Variants in DCANP1 observed in about 807,000 individuals in gnomAD.
DCANP1 encodes the protein dendritic cell associated nuclear protein 1, also known as dendritic cell nuclear protein 1.
For missense variants in DCANP1, 328 were observed against 293.7 expected (o/e 1.12, Z -0.85); for synonymous variants, 139 against 124.2 (o/e 1.12, Z -0.79).
rs1006852064 is a variant in DCANP1, at chr5:135,446,206, A to G, written c.*168T>C. The G allele has an allele frequency of 1.3e-5, 10 of 786,136 alleles. No homozygotes were observed. Among genetic ancestry groups the G allele is most frequent in the African/African-American group, 1.2e-4 (7 of 57,662 alleles). 48.7% of individuals were successfully genotyped at this position (786,136 alleles called of 1,614,324 possible). On this transcript the variant is annotated 3_prime_UTR_variant, in exon 1 of 1. Transcript: ENST00000503143. ...AACTGTGGCACGGAGAGATTCAGTTACTTGTCCAGGATCACAGAACTATAG... is the reference window on the plus strand; with the variant it reads ...AACTGTGGCACGGAGAGATTCAGTTGCTTGTCCAGGATCACAGAACTATAG...
In DCANP1 at chr5:135,447,338, C is replaced by G; in HGVS notation, c.-230G>C. 1.7e-6 allele frequency: 1 copy of G among 597,286 alleles called. No homozygotes were observed. The highest frequency in any genetic ancestry group is 1.9e-5 in the African/African-American group (1 of 53,528). 37.0% of individuals were successfully genotyped at this position (597,286 alleles called of 1,614,324 possible). ...GGGAATCACAGAGCACAGGTAAGCC[C>G]TTGGGTTCTGGAGCCAGCTTACTGG... On this transcript the variant is annotated 5_prime_UTR_variant, in exon 1 of 1. Transcript: ENST00000503143.
At position 135,446,751 on chromosome 5, in the gene DCANP1, T is replaced by C; in HGVS notation, c.358A>G (p.Thr120Ala). 6 of 1,613,982 alleles carry C rather than the reference T, an allele frequency of 3.7e-6. No homozygotes were observed. The highest frequency in any genetic ancestry group is 4.2e-6 in the Non-Finnish European group (5 of 1,179,872). ...QDELHSSRRK[T>A]GQTRREGARK... ...GCTCCCTCCCGCCTGGTCTGGCCTG[T>C]CTTCCTTCTGCTGCTATGCAGTTCA... The change falls in exon 1 of 1, where the codon ACA (threonine) becomes GCA (alanine). Residue 120 changes from threonine (T) to alanine (A), a missense_variant. Thr to Ala is a moderately conservative substitution (Grantham distance 58, BLOSUM62 0). Transcript: ENST00000503143.
chr5:135,446,762 C>G lies in DCANP1; in HGVS notation c.347G>C (p.Ser116Thr). 1 of 1,613,990 alleles carries G rather than the reference C, an allele frequency of 6.2e-7. No individual in the cohort carries two copies. Among genetic ancestry groups the G allele is most frequent in the Non-Finnish European group, 8.5e-7 (1 of 1,179,850 alleles). Residue 116 changes from serine to threonine, a missense_variant, in exon 1 of 1, where the codon AGC becomes ACC. Coordinates refer to ENST00000503143, the MANE Select transcript of DCANP1 (RefSeq NM_130848.3). The stretch of plus-strand genomic sequence containing the variant: ...CCTGGTCTGGCCTGTCTTCCTTCTG[C>G]TGCTATGCAGTTCATCCTGGGTCCC... The part of the protein sequence containing the change: ...PSGTQDELHS[S>T]RRKTGQTRRE...
At chr5:135,446,500 C>T in the DCANP1 span, 33 of 1,613,862 alleles carry the variant, frequency 2.0e-5, no homozygotes, top group African/African-American at 4.1e-4. Flanking sequence ...AGTGCGAAGA[C>T]CAGGCCCTGA....
In DCANP1 at chr5:135,444,364, T is replaced by C. The variant is rs1304403424; in HGVS notation, c.*2010A>G. 1 of 152,298 alleles carries C rather than the reference T, an allele frequency of 6.6e-6. No homozygotes were observed. The highest frequency in any genetic ancestry group is 1.5e-5 in the Non-Finnish European group (1 of 68,080). 9.4% of individuals were successfully genotyped at this position (152,298 alleles called of 1,614,324 possible). A position where few individuals can be genotyped will look rare whatever the true frequency, so the allele number is the denominator to read the frequency against. ...GGGTTGTTTACTCCTCCCACAGTCT[T>C]GGATGGGTTTTGAGGGTCTGGTGCG... is the stretch of plus-strand genomic sequence containing the variant. On this transcript the variant is annotated 3_prime_UTR_variant, in exon 1 of 1. Coordinates refer to ENST00000503143, the MANE Select transcript of DCANP1 (RefSeq NM_130848.3).
chr5:135,446,936 G>T lies in DCANP1; in HGVS notation c.173C>A (p.Ala58Asp). The T allele has an allele frequency of 1.9e-6, 3 of 1,612,800 alleles. No individual in the cohort carries two copies. The highest frequency in any genetic ancestry group is 2.5e-6 in the Non-Finnish European group (3 of 1,179,306). ...ACCCTCACTGAGGCCCTGGAGAGGG[G>T]CACTCAGGGGCAGCAGCTCATTCCC... ...NFGNELLPLS[A>D]PLQGLSEGLY... The change falls in exon 1 of 1, where the codon GCC becomes GAC. Residue 58 changes from alanine (A) to aspartate (D), a missense_variant. By Grantham distance (126) the Ala-to-Asp change is moderately radical (BLOSUM62 -2). Transcript: ENST00000503143.
chr5:135,446,529 A>C lies in DCANP1; in HGVS notation c.580T>G (p.Trp194Gly). Residue 194 changes from tryptophan (W) to glycine (G), a missense_variant, in exon 1 of 1, where the codon TGG becomes GGG. Trp to Gly is a radical substitution (Grantham distance 184). Transcript: ENST00000503143. Reference sequence around the variant, plus strand: ...GCCCTGAAGCCAGCCTGACGGTTCCAGCTGTTAGGAGAAAGTGAAGGTGGG... The same window carrying C: ...GCCCTGAAGCCAGCCTGACGGTTCCCGCTGTTAGGAGAAAGTGAAGGTGGG... ...WHPPSLSPNS[W>G]NRQAGFRAWS... is the part of the protein sequence containing the mutation. 6.2e-7 allele frequency: 1 copy of C among 1,614,022 alleles called. No homozygotes were observed. Among genetic ancestry groups the C allele is most frequent in the South Asian group, 1.1e-5 (1 of 91,080 alleles).
rs139885262 is a variant in DCANP1, at chr5:135,446,397, T to C, written c.712A>G (p.Arg238Gly). Residue 238 changes from arginine to glycine, a missense_variant, in exon 1 of 1, where the codon AGG becomes GGG. Transcript: ENST00000503143. ...GTTCACTCAGGCACGTGGGCTGCCC[T>C]GCGGTGGGAGCTGAGAGAATGCAGT... ...PPLHSLSSHR[R>G]AAHVPE 3,014 of 1,607,190 alleles carry C rather than the reference T, an allele frequency of 1.9e-3. 4 individuals are homozygous for C. Among genetic ancestry groups the C allele is most frequent in the Non-Finnish European group, 2.0e-3 (2,329 of 1,174,704 alleles).
rs1769274619 is a variant in DCANP1, at chr5:135,446,801, G to A, written c.308C>T (p.Ser103Phe). Residue 103 changes from serine (S) to phenylalanine (F), a missense_variant, in exon 1 of 1, where the codon TCT becomes TTT. Ser to Phe is a radical substitution (Grantham distance 155). Coordinates refer to ENST00000503143, the MANE Select transcript of DCANP1 (RefSeq NM_130848.3). ...ATCCTGGGTCCCTGAGGGCCTCGCA[G>A]ATGCTTCACTCGAAAGATTGGAGTT... The part of the protein sequence containing the change: ...LCNSNLSSEA[S>F]ARPSGTQDEL... 6.2e-7 allele frequency: 1 copy of A among 1,613,936 alleles called. No individual in the cohort carries two copies. Among genetic ancestry groups the A allele is most frequent in the Non-Finnish European group, 8.5e-7 (1 of 1,179,830 alleles).
rs1769262771 is a variant in DCANP1, at chr5:135,446,426, G to A, written c.683C>T (p.Pro228Leu). Residue 228 changes from proline to leucine, a missense_variant, in exon 1 of 1, where the codon CCT becomes CTT. By Grantham distance (98) the Pro-to-Leu change is moderately conservative. Coordinates refer to ENST00000503143, the MANE Select transcript of DCANP1 (RefSeq NM_130848.3). ...GTGGGAGCTGAGAGAATGCAGTGGA[G>A]GTTGTTGGGAGGAACTCACCCGCCT... ...QSRRVSSSQQ[P>L]PLHSLSSHRR... 1 of 1,612,750 alleles carries A rather than the reference G, an allele frequency of 6.2e-7. No individual in the cohort carries two copies. Among genetic ancestry groups the A allele is most frequent in the Non-Finnish European group, 8.5e-7 (1 of 1,178,850 alleles).
Position 135,446,385 on chromosome 5 carries a change from C to G in DCANP1, c.724G>C (p.Val242Leu). 1 of 1,601,790 alleles carries G rather than the reference C, an allele frequency of 6.2e-7. No individual in the cohort carries two copies. Among genetic ancestry groups the G allele is most frequent in the Non-Finnish European group, 8.5e-7 (1 of 1,171,544 alleles). Residue 242 changes from valine to leucine, a missense_variant, in exon 1 of 1, where the codon GTG becomes CTG. By Grantham distance (32) the Val-to-Leu change is conservative (BLOSUM62 1). Coordinates refer to ENST00000503143, the MANE Select transcript of DCANP1 (RefSeq NM_130848.3). ...SLSSHRRAAH[V>L]PE ...ACACGCACACATGTTCACTCAGGCA[C>G]GTGGGCTGCCCTGCGGTGGGAGCTG...
At position 135,446,491 on chromosome 5, in the gene DCANP1, G is replaced by T; in HGVS notation, c.618C>A (p.His206Gln). ...RQAGFRAWSS[H>Q]LISLSLTCSD... ...AGCAGGTGAGGGATAGTGATATCAA[G>T]TGCGAAGACCAGGCCCTGAAGCCAG... Residue 206 changes from histidine (H) to glutamine (Q), a missense_variant, in exon 1 of 1, where the codon CAC becomes CAA. By Grantham distance (24) the His-to-Gln change is conservative (BLOSUM62 0). Coordinates refer to ENST00000503143, the MANE Select transcript of DCANP1 (RefSeq NM_130848.3). 2 of 1,614,036 alleles carry T rather than the reference G, an allele frequency of 1.2e-6. No homozygotes were observed. Among genetic ancestry groups the T allele is most frequent in the Non-Finnish European group, 1.7e-6 (2 of 1,179,890 alleles).
rs1433687258 is a variant in DCANP1, at chr5:135,446,668, T to A, written c.441A>T (p.Ser147=). 3 of 1,613,136 alleles carry A rather than the reference T, an allele frequency of 1.9e-6. No homozygotes were observed. The Admixed American group carries it at 5.0e-5, about 27-fold the overall frequency. Residue 147 remains serine (S), a synonymous_variant, in exon 1 of 1, where the codon TCA becomes TCT. Transcript: ENST00000503143. ...RLYPFTVHTV[S]PGNSHLALYQ... is the part of the protein sequence containing the mutation. ...ACAGGGCAAGGTGTGAGTTTCCCGGTGAGACTGTGTGAACTGTGAACGGGT... is the reference window on the plus strand; with the variant it reads ...ACAGGGCAAGGTGTGAGTTTCCCGGAGAGACTGTGTGAACTGTGAACGGGT...
At position 135,444,831 on chromosome 5, in the gene DCANP1, T is replaced by G. The variant is rs745558210; in HGVS notation, c.*1543A>C. On this transcript the variant is annotated 3_prime_UTR_variant, in exon 1 of 1. Transcript: ENST00000503143. ...GTCCATTTGAAGGGATAGGGAAATA[T>G]TCCCTCAGTGTCCTGCTGTGAAACT... 1 of 152,270 alleles carries G rather than the reference T, an allele frequency of 6.6e-6. No individual in the cohort carries two copies. Among genetic ancestry groups the G allele is most frequent in the Non-Finnish European group, 1.5e-5 (1 of 68,084 alleles). The allele number at this position is 152,270 out of a possible 1,614,324, so 9.4% of individuals were successfully genotyped here.
Position 135,446,912 on chromosome 5 carries a change from C to A in DCANP1, c.197G>T (p.Gly66Val), listed in dbSNP as rs929374506. Reference sequence around the variant, plus strand: ...TTTGTTCCTCCCTGGAGGGTAGAGACCCTCACTGAGGCCCTGGAGAGGGGC... The same window carrying A: ...TTTGTTCCTCCCTGGAGGGTAGAGAACCTCACTGAGGCCCTGGAGAGGGGC... ...LSAPLQGLSE[G>V]LYPPGRNKTL... is the part of the protein sequence containing the mutation. The change falls in exon 1 of 1, where the codon GGT becomes GTT. Residue 66 changes from glycine (G) to valine (V), a missense_variant. Physicochemically the swap from Gly to Val is moderately radical, Grantham distance 109. Transcript: ENST00000503143. 3.1e-6 allele frequency: 5 copies of A among 1,613,200 alleles called. No homozygotes were observed. The highest frequency in any genetic ancestry group is 1.3e-5 in the African/African-American group (1 of 75,038).
rs527738738 is a variant in DCANP1, at chr5:135,445,157, G to A, written c.*1217C>T. ...GGGCTGTCCCCTATGAGCCTCTGCA[G>A]GGGACAGGAAGTGCTGACTGAGAAC... On this transcript the variant is annotated 3_prime_UTR_variant, in exon 1 of 1. Transcript: ENST00000503143. 1 of 152,278 alleles carries A rather than the reference G, an allele frequency of 6.6e-6. No individual in the cohort carries two copies. Among genetic ancestry groups the A allele is most frequent in the East Asian group, 1.9e-4 (1 of 5,160 alleles). The allele number at this position is 152,278 out of a possible 1,614,324, so 9.4% of individuals were successfully genotyped here. A position where few individuals can be genotyped will look rare whatever the true frequency, so the allele number is the denominator to read the frequency against.
chr5:135,446,729 C>G lies in DCANP1; in HGVS notation c.380G>C (p.Gly127Ala). The stretch of plus-strand genomic sequence containing the variant: ...ACTACAAACCAGATGTTTCCGGGCT[C>G]CCTCCCGCCTGGTCTGGCCTGTCTT... ...RRKTGQTRREGARKHLVCSFR... is the reference protein window; with the variant it reads ...RRKTGQTRREAARKHLVCSFR... The change falls in exon 1 of 1, where the codon GGA becomes GCA. Residue 127 changes from glycine (G) to alanine (A), a missense_variant. Coordinates refer to ENST00000503143, the MANE Select transcript of DCANP1 (RefSeq NM_130848.3). 6.2e-7 allele frequency: 1 copy of G among 1,613,886 alleles called. No homozygotes were observed. Among genetic ancestry groups the G allele is most frequent in the Non-Finnish European group, 8.5e-7 (1 of 1,179,800 alleles).
At position 135,447,105 on chromosome 5, in the gene DCANP1, G is replaced by A. The variant is rs1239713170; in HGVS notation, c.4C>T (p.His2Tyr). 6.2e-7 allele frequency: 1 copy of A among 1,614,034 alleles called. No individual in the cohort carries two copies. The highest frequency in any genetic ancestry group is 8.5e-7 in the Non-Finnish European group (1 of 1,179,900). Residue 2 changes from histidine to tyrosine, a missense_variant, in exon 1 of 1, where the codon CAT becomes TAT. Coordinates refer to ENST00000503143, the MANE Select transcript of DCANP1 (RefSeq NM_130848.3). M[H>Y]YGAATHIQNS... is the part of the protein sequence containing the mutation. ...TGTATGTGGGTTGCTGCTCCGTAATGCATAGTTGGGGGACCATTTTGGTCA... is the reference window on the plus strand; with the variant it reads ...TGTATGTGGGTTGCTGCTCCGTAATACATAGTTGGGGGACCATTTTGGTCA...
Position 135,446,336 on chromosome 5 carries a change from G to A in DCANP1, c.*38C>T, listed in dbSNP as rs1455064578. 1 of 1,557,732 alleles carries A rather than the reference G, an allele frequency of 6.4e-7. No homozygotes were observed. The highest frequency in any genetic ancestry group is 8.7e-7 in the Non-Finnish European group (1 of 1,149,938). ...CACTGTATGTTCGTGTTTAGTGTAT[G>A]TCTGTGCATACTTGCGTGTGTGCAC... On this transcript the variant is annotated 3_prime_UTR_variant, in exon 1 of 1. Coordinates refer to ENST00000503143, the MANE Select transcript of DCANP1 (RefSeq NM_130848.3).
Sources: gnomAD v4.1 joint callset for allele counts on GRCh38, gnomAD v4.1.1 for gene constraint, MANE v1.5 for transcripts, NCBI Gene and HGNC (gene_info 2026-07-23, HGNC 2026-07-21) for gene names.